Variants in ANKRD12 observed in about 807,000 individuals in gnomAD.
The protein encoded by ANKRD12 is ankyrin repeat domain-containing protein 12.
In ANKRD12, 85 loss-of-function variants were observed where a neutral mutation model predicts 183.4. That is an observed-to-expected ratio of 0.46 (90% CI 0.39 to 0.56). The LOEUF (loss-of-function observed/expected upper bound fraction) is 0.56, where lower values mean the gene tolerates loss of function less well. Ranked by LOEUF, ANKRD12 falls within the 20% of genes least tolerant of loss-of-function variation. The probability of loss-of-function intolerance (pLI) is 0.00; values close to 1 mark genes in which losing one functional copy is unlikely to be tolerated. For missense variants in ANKRD12, 2,405 were observed against 2,357.1 expected (o/e 1.02, Z -0.42); for synonymous variants, 914 against 800.2 (o/e 1.14, Z -2.40).
At chr18:9,209,676 C>T (rs1460276056) in intron 5 of ANKRD12, among the ~76,000 whole-genome samples, 1 of 152,188 alleles carries the variant, frequency 6.6e-6, no homozygotes, top group African/African-American at 2.4e-5. Flanking sequence ...CTCACTCCTA[C>T]CTTTTCCACC....
intron 8 of ANKRD12, among the ~76,000 whole-genome samples, chr18:9,240,032 ATAT>A (rs2037570024): frequency 6.6e-6 from 1 of 152,174 alleles, no homozygotes; most frequent in Non-Finnish European, 1.5e-5. Flanking sequence ...AAAGGAAAAA[ATAT>A]TATGGAAAAA....
rs1030882466 is a variant in ANKRD12, at chr18:9,255,986, A to T, written c.2719A>T (p.Met907Leu). 2.6e-6 allele frequency: 4 copies of T among 1,568,514 alleles called. No individual in the cohort carries two copies. Among genetic ancestry groups the T allele is most frequent in the Admixed American group, 2.1e-5 (1 of 46,806 alleles). ...TDDREKSREKMDRKHDKEKPE... is the reference protein window; with the variant it reads ...TDDREKSREKLDRKHDKEKPE... ...CGACAGAGAGAAAAGTAGAGAAAAG[A>T]TGGATAGGAAACATGACAAAGAAAA... is the stretch of plus-strand genomic sequence containing the variant. Residue 907 changes from methionine to leucine, a missense_variant, in exon 9 of 13, where the codon ATG becomes TTG. Met to Leu is a conservative substitution (Grantham distance 15). Coordinates refer to ENST00000262126, the MANE Select transcript of ANKRD12 (RefSeq NM_015208.5).
chr18:9,151,332 A>C (rs1260221067), intron 1 of ANKRD12, among the ~76,000 whole-genome samples: 4 of 152,250 alleles, frequency 2.6e-5, no homozygotes, highest in African/African-American at 9.6e-5. Context: ...GGAAAACAGC[A>C]GAAAACATCT....
rs188697159 is a variant in ANKRD12 at position 9,271,244 on chromosome 18, T to A, written c.5764-4280T>A. ...GCACCACTACACCCAGCTAATTTTT[T>A]AAAAAAATTTTTGCCAGGTGTGGTG... On this transcript the variant is annotated intron_variant, in intron 10 of 12. Coordinates refer to ENST00000262126, the MANE Select transcript of ANKRD12 (RefSeq NM_015208.5). Among the ~76,000 whole-genome samples, 69 of 152,164 alleles carry A rather than the reference T, an allele frequency of 4.5e-4. 1 individual carries two copies. In the South Asian group the frequency reaches 5.4e-3, roughly 12 times the overall value.
intron 10 of ANKRD12, among the ~76,000 whole-genome samples, chr18:9,268,440 A>G (rs1482286612): frequency 2.0e-5 from 3 of 152,252 alleles, no homozygotes; most frequent in Non-Finnish European, 4.4e-5. Context: ...AGTGGGCTTC[A>G]TCCCTGGGAT....
chr18:9,217,137 T>C (rs1030088846), intron 7 of ANKRD12, among the ~76,000 whole-genome samples: 3 of 152,236 alleles, frequency 2.0e-5, no homozygotes, highest in African/African-American at 7.2e-5. Flanking sequence ...TTTGGCAAAA[T>C]TTTTATTTCA....
chr18:9,216,346 G>T (rs989730054), intron 6 of ANKRD12, among the ~76,000 whole-genome samples: 1 of 151,930 alleles, frequency 6.6e-6, no homozygotes, highest in Non-Finnish European at 1.5e-5. Context: ...TTTTTCTTAC[G>T]ATTTTGTTAA....
chr18:9,186,795 G>C (rs11081465), intron 2 of ANKRD12, among the ~76,000 whole-genome samples: 1 of 145,214 alleles, frequency 6.9e-6, no homozygotes, highest in Non-Finnish European at 1.5e-5. Flanking sequence ...CTTTTTCCCC[G>C]GGCCGGAGTG....
At chr18:9,260,852 GCTT>G (rs2038923625) in intron 9 of ANKRD12, among the ~76,000 whole-genome samples, 1 of 152,012 alleles carries the variant, frequency 6.6e-6, no homozygotes, top group South Asian at 2.1e-4. Flanking sequence ...TCTCTCCTTG[GCTT>G]CTTTTTTGTA....
intron 10 of ANKRD12, among the ~76,000 whole-genome samples, chr18:9,272,043 C>T (rs2039629470): frequency 6.6e-6 from 1 of 152,160 alleles, no homozygotes; most frequent in Non-Finnish European, 1.5e-5. Flanking sequence ...CTCAGAACTT[C>T]CCCATGCTGC....
rs1340378832 is a variant in ANKRD12 at position 9,269,843 on chromosome 18, ATGGGAGAAAAT to A, written c.5764-5679_5764-5669del. On this transcript the variant is annotated intron_variant, in intron 10 of 12. Transcript: ENST00000262126. The stretch of plus-strand genomic sequence containing the variant: ...TCAGAGTGAACAGGCAGCCTACAAA[ATGGGAGAAAAT>A]TTTTGCAATCTACTTATCTAACAAA... Among the ~76,000 whole-genome samples, 1,143 of 152,320 alleles carry A rather than the reference ATGGGAGAAAAT, an allele frequency of 7.5e-3. 16 individuals carry two copies. The highest frequency in any genetic ancestry group is 0.026 in the African/African-American group (1,081 of 41,560).
chr18:9,216,664 T>C (rs2036126770), intron 6 of ANKRD12, 94 bp from the exon 7 acceptor site: 2 of 1,317,512 alleles, frequency 1.5e-6, no homozygotes, highest in African/African-American at 1.5e-5. Flanking sequence ...TGTGCAGTTT[T>C]AGAATTTATA....
At chr18:9,234,713 C>T (rs1364286100) in intron 8 of ANKRD12, among the ~76,000 whole-genome samples, 3 of 151,920 alleles carry the variant, frequency 2.0e-5, no homozygotes, top group Non-Finnish European at 4.4e-5. Flanking sequence ...CAGTTCCAGC[C>T]GCTTAGGTAC....
Position 9,282,356 on chromosome 18 carries a change from G to A in ANKRD12, c.*1230G>A, listed in dbSNP as rs2040130807. 1.3e-5 allele frequency: 2 copies of A among 152,420 alleles called. No homozygotes were observed. 9.4% of individuals were successfully genotyped at this position (152,420 alleles called of 1,614,324 possible). On this transcript the variant is annotated 3_prime_UTR_variant, in exon 13 of 13. Transcript: ENST00000262126. ...ATCTCTGAAATGTTTATGAAAAACA[G>A]GTTAATATGTTGTATTTTTTTCCTT...
chr18:9,157,678 C>T (rs1051435483), intron 1 of ANKRD12, among the ~76,000 whole-genome samples: 2 of 148,196 alleles, frequency 1.3e-5, no homozygotes, highest in African/African-American at 5.0e-5. Context: ...TCTCGACTCA[C>T]TGCAACCTCT....
At chr18:9,243,719 C>T (rs920437301) in intron 8 of ANKRD12, among the ~76,000 whole-genome samples, 1 of 152,072 alleles carries the variant, frequency 6.6e-6, no homozygotes, top group African/African-American at 2.4e-5. Flanking sequence ...AATTTGATGA[C>T]ATATGAAGAA....
Position 9,211,620 on chromosome 18 carries a change from C to T in ANKRD12, c.488C>T (p.Ala163Val). Reference sequence around the variant, plus strand: ...AATCATCCATCACAAACAACGCCTGCCCAAAAGAAAACTCCCAGTTCTTCA... The same window carrying T: ...AATCATCCATCACAAACAACGCCTGTCCAAAAGAAAACTCCCAGTTCTTCA... Reference protein sequence around the residue: ...TPNHPSQTTPAQKKTPSSSSR... With the variant: ...TPNHPSQTTPVQKKTPSSSSR... Residue 163 changes from alanine (A) to valine (V), a missense_variant, in exon 6 of 13, where the codon GCC (alanine) becomes GTC (valine). Physicochemically the swap from Ala to Val is moderately conservative, Grantham distance 64. Transcript: ENST00000262126. 1 of 1,613,756 alleles carries T rather than the reference C, an allele frequency of 6.2e-7. No homozygotes were observed.
chr18:9,222,961 A>G (rs1038413077), intron 8 of ANKRD12, among the ~76,000 whole-genome samples: 2 of 152,250 alleles, frequency 1.3e-5, no homozygotes, highest in Non-Finnish European at 2.9e-5. Context: ...GGCAGTGAGC[A>G]CTGATTACAG....
intron 1 of ANKRD12, among the ~76,000 whole-genome samples, chr18:9,147,705 T>C (rs1171644000): frequency 6.6e-6 from 1 of 152,170 alleles, no homozygotes; most frequent in Admixed American, 6.5e-5. Flanking sequence ...AGAAATCTAG[T>C]GAAAGCTAAA....
Sources: gnomAD v4.1 joint callset for allele counts (sites outside exome capture counted in the v4.1 genomes callset) on GRCh38, gnomAD v4.1.1 for gene constraint, MANE v1.5 for transcripts, NCBI Gene and HGNC (gene_info 2026-07-23, HGNC 2026-07-21) for gene names.